The following CDC42SE2 variants were observed in gnomAD, a reference collection of about 807,000 sequenced individuals.
The protein encoded by CDC42SE2 is CDC42 small effector 2.
A neutral mutation model predicts 11.5 loss-of-function variants in CDC42SE2; 3 were observed. That is an observed-to-expected ratio of 0.26 (90% CI 0.12 to 0.67). CDC42SE2 has a LOEUF of 0.67. Ranked by LOEUF, CDC42SE2 falls within the 30% of genes least tolerant of loss-of-function variation. The probability of loss-of-function intolerance (pLI) is 0.80; values close to 1 mark genes in which losing one functional copy is unlikely to be tolerated. For missense variants in CDC42SE2, 82 were observed against 106.8 expected, an observed-to-expected ratio of 0.77 and a Z score of 1.02; for synonymous variants, 33 against 34.8, an observed-to-expected ratio of 0.95 and a Z score of 0.18.
the CDC42SE2 span, among the ~76,000 whole-genome samples, chr5:131,222,160 A>G: frequency 6.6e-6 from 1 of 152,246 alleles, no homozygotes; most frequent in Admixed American, 6.5e-5. Context: ...ACTTTAATAT[A>G]TCTGTGATGA....
rs139594597 is a variant in CDC42SE2 at position 131,323,967 on chromosome 5, A to G, written c.-286+7823A>G. On this transcript the variant is annotated intron_variant, in intron 2 of 4. Coordinates refer to ENST00000505065, the MANE Select transcript of CDC42SE2 (RefSeq NM_001375635.1). ...GGAAAGGAATGTAAATTGTCTTTAA[A>G]TTTTTTCCTGCTTTTTCAAGAAAAT... Among the ~76,000 whole-genome samples the G allele has an allele frequency of 3.1e-3, 474 of 152,170 alleles. 1 individual carries two copies. The highest frequency in any genetic ancestry group is 0.011 in the African/African-American group (454 of 41,530).
intron 3 of CDC42SE2, among the ~76,000 whole-genome samples, chr5:131,367,139 GTATATATATATCATGTAATGATATATA>G (rs1315851357): frequency 6.6e-6 from 1 of 150,832 alleles, no homozygotes; most frequent in Non-Finnish European, 1.5e-5. Context: ...ACATATGTGT[GTATATATATATCATGTAATGATATATA>G]TATGTGTGTG....
intron 1 of CDC42SE2, among the ~76,000 whole-genome samples, chr5:131,310,071 G>C (rs371941736): frequency 2.8e-4 from 43 of 152,052 alleles, no homozygotes; most frequent in South Asian, 6.3e-4. Context: ...CCTGCTTTCT[G>C]TTGTGGGCAT....
intron 3 of CDC42SE2, among the ~76,000 whole-genome samples, chr5:131,367,670 C>A (rs1749899410): frequency 6.6e-6 from 1 of 152,152 alleles, no homozygotes; most frequent in Non-Finnish European, 1.5e-5. Flanking sequence ...GTCTTTTGTA[C>A]ATTTTTAAAA....
intron 3 of CDC42SE2, among the ~76,000 whole-genome samples, chr5:131,382,543 G>A (rs1299659704): frequency 6.6e-6 from 1 of 152,196 alleles, no homozygotes; most frequent in Non-Finnish European, 1.5e-5. Flanking sequence ...CACAGGACAA[G>A]GGTTGATCAA....
In CDC42SE2 at chr5:131,273,786, T is replaced by C. The variant is rs951386373; in HGVS notation, c.-455+9620T>C. 3.3e-5 allele frequency among the ~76,000 whole-genome samples: 5 copies of C among 151,622 alleles called. No individual in the cohort carries two copies. In the South Asian group the frequency reaches 8.3e-4, roughly 25 times the overall value. On this transcript the variant is annotated intron_variant, in intron 1 of 4. Coordinates refer to ENST00000505065, the MANE Select transcript of CDC42SE2 (RefSeq NM_001375635.1). ...CCGTCTCAAAAAAAAAAAAAAAAGT[T>C]TTTTTTTCTTGAGGCAGGGCCTTGC...
intron 4 of CDC42SE2, among the ~76,000 whole-genome samples, chr5:131,388,079 C>T (rs866628529): frequency 2.6e-4 from 40 of 152,228 alleles, no homozygotes; most frequent in Admixed American, 2.2e-3. Context: ...CTCACTGCAA[C>T]GTCTGCCTCC....
At chr5:131,340,904 T>A (rs1250183073) in intron 2 of CDC42SE2, among the ~76,000 whole-genome samples, 1 of 152,122 alleles carries the variant, frequency 6.6e-6, no homozygotes, top group Non-Finnish European at 1.5e-5. Context: ...CTCGAACTCC[T>A]GATCTCAAGT....
At chr5:131,334,726 C>T (rs1182908485) in intron 2 of CDC42SE2, among the ~76,000 whole-genome samples, 1 of 152,192 alleles carries the variant, frequency 6.6e-6, no homozygotes, top group Non-Finnish European at 1.5e-5. Flanking sequence ...TTATCCATTT[C>T]TTCTAGATTT....
chr5:131,286,736 A>G (rs763689314), intron 1 of CDC42SE2, among the ~76,000 whole-genome samples: 1 of 151,656 alleles, frequency 6.6e-6, no homozygotes, highest in East Asian at 1.9e-4. Context: ...TAGTAATTAT[A>G]TTTTCTCTTC....
intron 1 of CDC42SE2, among the ~76,000 whole-genome samples, chr5:131,276,499 G>A (rs1254721028): frequency 6.6e-6 from 1 of 151,884 alleles, no homozygotes; most frequent in Non-Finnish European, 1.5e-5. Flanking sequence ...TGGCTTAGAA[G>A]TTGGTGAATT....
chr5:131,316,500 T>G (rs1326627114), intron 2 of CDC42SE2, among the ~76,000 whole-genome samples: 1 of 152,252 alleles, frequency 6.6e-6, no homozygotes, highest in Non-Finnish European at 1.5e-5. Context: ...GTAGGTCTCA[T>G]TCTCTTTGGG....
the CDC42SE2 span, among the ~76,000 whole-genome samples, chr5:131,214,871 C>G: frequency 6.6e-6 from 1 of 152,160 alleles, no homozygotes; most frequent in South Asian, 2.1e-4. Context: ...CTCTCAGGAG[C>G]TAGGGAAATA....
intron 1 of CDC42SE2, among the ~76,000 whole-genome samples, chr5:131,314,296 A>G (rs980334037): frequency 7.3e-5 from 11 of 151,514 alleles, no homozygotes; most frequent in Non-Finnish European, 1.6e-4. Flanking sequence ...CAGTGGCACA[A>G]TCATAGCTCA....
At chr5:131,299,749 CAG>C (rs1260155801) in intron 1 of CDC42SE2, among the ~76,000 whole-genome samples, 8 of 152,218 alleles carry the variant, frequency 5.3e-5, no homozygotes, top group Middle Eastern at 3.4e-3. Flanking sequence ...TAATCGAACT[CAG>C]GGGAGTGATT....
rs150553152 is a variant in CDC42SE2 at position 131,361,075 on chromosome 5, T to G, written c.54+1528T>G. On this transcript the variant is annotated intron_variant, in intron 3 of 4. Transcript: ENST00000505065. ...TAAATCTTAGAGTTTGTTTGTTTGT[T>G]TTTTTTTTTGGATTGCATTGAATTT... Among the ~76,000 whole-genome samples the G allele has an allele frequency of 2.4e-3, 333 of 139,862 alleles. 1 individual carries two copies. Among genetic ancestry groups the G allele is most frequent in the Non-Finnish European group, 4.1e-3 (276 of 67,222 alleles). 91.8% of individuals were successfully genotyped at this position (139,862 alleles called of 152,430 possible). A position where few individuals can be genotyped will look rare whatever the true frequency, so the allele number is the denominator to read the frequency against.
intron 1 of CDC42SE2, among the ~76,000 whole-genome samples, chr5:131,251,081 G>T (rs1756635325): frequency 6.6e-6 from 1 of 152,006 alleles, no homozygotes; most frequent in African/African-American, 2.4e-5. Flanking sequence ...TATTTTAAAA[G>T]AATATATAGA....
intron 2 of CDC42SE2, among the ~76,000 whole-genome samples, chr5:131,257,308 G>A (rs947414659): frequency 6.6e-6 from 1 of 151,928 alleles, no homozygotes; most frequent in Non-Finnish European, 1.5e-5. Flanking sequence ...TGTTGGCCAG[G>A]CCGGTCTCAA....
intron 4 of CDC42SE2, among the ~76,000 whole-genome samples, chr5:131,389,962 A>G (rs368642472): frequency 6.6e-6 from 1 of 152,226 alleles, no homozygotes; most frequent in Non-Finnish European, 1.5e-5. Context: ...TGGAATAATA[A>G]TGATATGCTA....
Sources: gnomAD v4.1 joint callset for allele counts (sites outside exome capture counted in the v4.1 genomes callset) on GRCh38, gnomAD v4.1.1 for gene constraint, MANE v1.5 for transcripts, NCBI Gene and HGNC (gene_info 2026-07-23, HGNC 2026-07-21) for gene names.